Variants in CHN2 observed in about 807,000 individuals in gnomAD.
The protein encoded by CHN2 is chimerin 2, also known as beta-chimaerin.
In CHN2, 35 loss-of-function variants were observed where a neutral mutation model predicts 56.3. That is an observed-to-expected ratio of 0.62 (90% CI 0.47 to 0.82). The LOEUF (loss-of-function observed/expected upper bound fraction) is 0.82, where lower values mean the gene tolerates loss of function less well. Among genes scored for constraint, CHN2 ranks in the 40% least tolerant of loss-of-function variants. The pLI, the probability that CHN2 is intolerant of heterozygous loss-of-function variation, is 0.00. For synonymous variants in CHN2, 210 were observed against 212.8 expected, an observed-to-expected ratio of 0.99 and a Z score of 0.12; for missense variants, 491 against 580.5, an observed-to-expected ratio of 0.85 and a Z score of 1.58.
At chr7:29,228,659 G>C (rs1007811230) in intron 1 of CHN2, among the ~76,000 whole-genome samples, 1 of 152,158 alleles carries the variant, frequency 6.6e-6, no homozygotes, top group African/African-American at 2.4e-5. Context: ...CCTTTCACTC[G>C]TTAGACAAAA....
chr7:29,486,672 G>A (rs1390233240), intron 7 of CHN2, among the ~76,000 whole-genome samples: 1 of 152,090 alleles, frequency 6.6e-6, no homozygotes, highest in East Asian at 1.9e-4. Context: ...CTGACAGACT[G>A]AGGATGCACC....
chr7:29,438,753 T>C (rs1166146800), intron 6 of CHN2, among the ~76,000 whole-genome samples: 1 of 152,230 alleles, frequency 6.6e-6, no homozygotes, highest in Non-Finnish European at 1.5e-5. Flanking sequence ...TCAGGAAATA[T>C]CCCTTCATAT....
intron 2 of CHN2, among the ~76,000 whole-genome samples, chr7:29,164,741 A>G (rs1490852898): frequency 7.0e-6 from 1 of 142,248 alleles, no homozygotes; most frequent in African/African-American, 2.7e-5. Context: ...AGATCTCACC[A>G]CTGCACTCCA....
chr7:29,464,871 G>A (rs1453487409), intron 6 of CHN2, among the ~76,000 whole-genome samples: 1 of 152,186 alleles, frequency 6.6e-6, no homozygotes, highest in Non-Finnish European at 1.5e-5. Context: ...ACGTTCACAG[G>A]CTGCCCTGCT....
At chr7:29,397,771 G>T (rs1428671238) in intron 4 of CHN2, 1 of 152,158 alleles carries the variant, frequency 6.6e-6, no homozygotes, top group African/African-American at 2.4e-5. Flanking sequence ...CATGTGTATG[G>T]GTTTTAAAAT....
At chr7:29,468,332 TG>T (rs1785743957) in intron 6 of CHN2, among the ~76,000 whole-genome samples, 1 of 151,788 alleles carries the variant, frequency 6.6e-6, no homozygotes, top group Admixed American at 6.6e-5. Context: ...CGTTCTGTGG[TG>T]GTTAGGAGGC....
At chr7:29,340,012 C>T (rs1005105190) in intron 1 of CHN2, among the ~76,000 whole-genome samples, 6 of 152,008 alleles carry the variant, frequency 3.9e-5, no homozygotes, top group African/African-American at 9.7e-5. Context: ...ATAAAGTGTC[C>T]AGTGGCAGCA....
intron 6 of CHN2, chr7:29,401,174 A>G: frequency 1.2e-5 from 3 of 250,160 alleles, no homozygotes; most frequent in Non-Finnish European, 1.6e-5. Flanking sequence ...AGGCTGAGGC[A>G]GGAGAATGGC....
chr7:29,333,141 G>C (rs931208053), intron 1 of CHN2, among the ~76,000 whole-genome samples: 1 of 152,168 alleles, frequency 6.6e-6, no homozygotes, highest in Non-Finnish European at 1.5e-5. Context: ...AGGAAGTAGA[G>C]AGTAAGTGAA....
intron 1 of CHN2, among the ~76,000 whole-genome samples, chr7:29,234,238 TGCA>T (rs1211349258): frequency 1.3e-5 from 2 of 149,556 alleles, no homozygotes; most frequent in African/African-American, 5.0e-5. Context: ...AATTTGTTGC[TGCA>T]GCAATAAGAA....
intron 1 of CHN2, among the ~76,000 whole-genome samples, chr7:29,206,891 T>C (rs752201443): frequency 4.6e-5 from 7 of 152,152 alleles, no homozygotes; most frequent in Non-Finnish European, 1.0e-4. Context: ...ACACTCAAGA[T>C]AGGCAAATCC....
intron 2 of CHN2, among the ~76,000 whole-genome samples, chr7:29,182,415 A>T (rs1352673178): frequency 6.6e-6 from 1 of 152,230 alleles, no homozygotes; most frequent in Non-Finnish European, 1.5e-5. Context: ...GTAGCAGAAT[A>T]GGGCTATGGG....
At chr7:29,170,054 G>A (rs970061272) in intron 2 of CHN2, among the ~76,000 whole-genome samples, 1 of 151,826 alleles carries the variant, frequency 6.6e-6, no homozygotes, top group African/African-American at 2.4e-5. Context: ...GTGTCCTTTT[G>A]ATCCTTGTAT....
chr7:29,237,926 G>A (rs957327667), intron 1 of CHN2, among the ~76,000 whole-genome samples: 13 of 151,978 alleles, frequency 8.6e-5, no homozygotes, highest in African/African-American at 2.9e-4. Context: ...CCTGCTGCAC[G>A]GCACAGCATT....
intron 1 of CHN2, among the ~76,000 whole-genome samples, chr7:29,276,541 G>A (rs1377183996): frequency 1.3e-5 from 2 of 152,170 alleles, no homozygotes; most frequent in African/African-American, 2.4e-5. Context: ...TCTCAGTTCC[G>A]CCACTTAAAA....
intron 7 of CHN2, among the ~76,000 whole-genome samples, chr7:29,486,524 A>G (rs1402473469): frequency 6.6e-6 from 1 of 152,074 alleles, no homozygotes; most frequent in African/African-American, 2.4e-5. Context: ...TGTCTGATCC[A>G]TGGGAGCGGG....
chr7:29,495,898 C>G, intron 7 of CHN2, 54 bp from the exon 8 acceptor site: 1 of 1,484,484 alleles, frequency 6.7e-7, no homozygotes. Flanking sequence ...CTGAGGCTAC[C>G]TGCCTTTAAA....
At chr7:29,342,902 CCTAA>C (rs1797152853) in intron 1 of CHN2, among the ~76,000 whole-genome samples, 1 of 152,218 alleles carries the variant, frequency 6.6e-6, no homozygotes, top group Non-Finnish European at 1.5e-5. Context: ...TATTTCTTCT[CCTAA>C]CTGATTCCTG....
Position 29,163,937 on chromosome 7 carries a change from G to A in CHN2, c.274+16977G>A, listed in dbSNP as rs1795540306. Among the ~76,000 whole-genome samples the A allele has an allele frequency of 3.9e-5, 6 of 152,178 alleles. No homozygotes were observed. The South Asian group carries it at 1.2e-3, about 32-fold the overall frequency. Reference sequence around the variant, plus strand: ...TTACTTGTTCAAGGACATCTGGGTTGTTCCCAGCTTTTGACTATTACAAAT... The same window carrying A: ...TTACTTGTTCAAGGACATCTGGGTTATTCCCAGCTTTTGACTATTACAAAT... On this transcript the variant is annotated intron_variant, in intron 2 of 6. Coordinates refer to the CHN2 transcript ENST00000439384.
Sources: gnomAD v4.1 joint callset for allele counts (sites outside exome capture counted in the v4.1 genomes callset) on GRCh38, gnomAD v4.1.1 for gene constraint, MANE v1.5 for transcripts, NCBI Gene and HGNC (gene_info 2026-07-23, HGNC 2026-07-21) for gene names.